The following LINGO2 variants were observed in gnomAD, a reference collection of about 807,000 sequenced individuals.
LINGO2 encodes the protein leucine-rich repeat and immunoglobulin-like domain-containing nogo receptor-interacting protein 2.
In LINGO2, 14 loss-of-function variants were observed where a neutral mutation model predicts 30.6. That is an observed-to-expected ratio of 0.46 (90% CI 0.30 to 0.72). The LOEUF (loss-of-function observed/expected upper bound fraction) is 0.72. Among genes scored for constraint, LINGO2 ranks in the 30% least tolerant of loss-of-function variants. The pLI, the probability that LINGO2 is intolerant of heterozygous loss-of-function variation, is 0.07. For missense variants in LINGO2, 729 were observed against 751.7 expected, an observed-to-expected ratio of 0.97 and a Z score of 0.35; for synonymous variants, 317 against 288.5, an observed-to-expected ratio of 1.10 and a Z score of -1.00.
the LINGO2 span, among the ~76,000 whole-genome samples, chr9:29,092,104 G>A: frequency 9.9e-5 from 15 of 151,978 alleles, no homozygotes; most frequent in African/African-American, 3.4e-4. Context: ...CACTTTGCTA[G>A]AATCTGTGCC....
intron 2 of LINGO2, among the ~76,000 whole-genome samples, chr9:28,387,178 C>T (rs994856380): frequency 1.3e-5 from 2 of 152,066 alleles, no homozygotes; most frequent in African/African-American, 4.8e-5. Flanking sequence ...CACCAATCAG[C>T]ACCCTGTAAA....
chr9:28,566,317 T>G (rs941176734), intron 1 of LINGO2, among the ~76,000 whole-genome samples: 1 of 152,166 alleles, frequency 6.6e-6, no homozygotes. Flanking sequence ...GCTACACCTA[T>G]GCTTATTAAA....
intron 2 of LINGO2, among the ~76,000 whole-genome samples, chr9:28,433,949 C>CTATATATATATATATATAAATATATA (rs375073572): frequency 4.5e-5 from 4 of 88,546 alleles, no homozygotes; most frequent in Admixed American, 1.4e-4. Flanking sequence ...CTCTCTCTCT[C>CTATATATATATATATATAAATATATA]TATATATATA....
At chr9:28,415,816 A>C (rs1822946341) in intron 2 of LINGO2, among the ~76,000 whole-genome samples, 1 of 152,192 alleles carries the variant, frequency 6.6e-6, no homozygotes, top group Admixed American at 6.6e-5. Flanking sequence ...ATTATTATAT[A>C]GTGGCTGGCA....
At chr9:29,120,894 A>T in the LINGO2 span, among the ~76,000 whole-genome samples, 2 of 152,188 alleles carry the variant, frequency 1.3e-5, no homozygotes, top group East Asian at 3.9e-4. Context: ...TAATGCTGTC[A>T]GCACCATAAA....
intron 1 of LINGO2, among the ~76,000 whole-genome samples, chr9:28,543,614 G>T (rs1015458636): frequency 1.3e-5 from 2 of 152,018 alleles, no homozygotes; most frequent in African/African-American, 2.4e-5. Flanking sequence ...GTATATGAAT[G>T]TATAAAAAAA....
At chr9:28,232,971 T>G (rs919227226) in intron 4 of LINGO2, among the ~76,000 whole-genome samples, 8 of 145,896 alleles carry the variant, frequency 5.5e-5, no homozygotes, top group African/African-American at 2.1e-4. Context: ...ACTTCTATGA[T>G]TCCATAATCA....
intron 5 of LINGO2, among the ~76,000 whole-genome samples, chr9:27,998,939 C>G (rs1008692004): frequency 1.3e-5 from 2 of 152,072 alleles, no homozygotes; most frequent in Admixed American, 6.6e-5. Flanking sequence ...TAAGTTCAGC[C>G]TTAAGTACCT....
At chr9:29,123,208 A>C in the LINGO2 span, among the ~76,000 whole-genome samples, 1 of 152,122 alleles carries the variant, frequency 6.6e-6, no homozygotes, top group African/African-American at 2.4e-5. Flanking sequence ...ATTTACAATC[A>C]ATGAAACAGA....
the LINGO2 span, among the ~76,000 whole-genome samples, chr9:29,155,107 T>C: frequency 6.6e-6 from 1 of 152,178 alleles, no homozygotes; most frequent in Admixed American, 6.5e-5. Context: ...TTTTTTTCTT[T>C]TTATTATTAT....
Position 28,357,328 on chromosome 9 carries a change from A to C in LINGO2, c.-246+15508T>G, listed in dbSNP as rs1016047549. Reference sequence around the variant, plus strand: ...TACAGAAATAAAGCCCACCCCCCCCAAAAAAGAAAGCACCAATACTTCTTG... The same window carrying C: ...TACAGAAATAAAGCCCACCCCCCCCCAAAAAGAAAGCACCAATACTTCTTG... On this transcript the variant is annotated intron_variant, in intron 3 of 5. Coordinates refer to ENST00000379992, the Ensembl canonical transcript of LINGO2. Among the ~76,000 whole-genome samples, 221 of 99,188 alleles carry C rather than the reference A, an allele frequency of 2.2e-3. 2 individuals carry two copies. The highest frequency in any genetic ancestry group is 6.9e-3 in the East Asian group (11 of 1,586). 65.1% of individuals were successfully genotyped at this position (99,188 alleles called of 152,430 possible).
At chr9:27,993,161 G>A (rs887636839) in intron 5 of LINGO2, among the ~76,000 whole-genome samples, 1 of 152,038 alleles carries the variant, frequency 6.6e-6, no homozygotes, top group Non-Finnish European at 1.5e-5. Flanking sequence ...CATTCAAATT[G>A]CAGTTGAATT....
At chr9:28,944,370 G>GTCTGTCTA in the LINGO2 span, among the ~76,000 whole-genome samples, 3 of 151,956 alleles carry the variant, frequency 2.0e-5, no homozygotes, top group African/African-American at 7.2e-5. Context: ...CTGTCTGTCT[G>GTCTGTCTA]TCTATCTATC....
At chr9:28,423,700 T>G (rs903900868) in intron 2 of LINGO2, among the ~76,000 whole-genome samples, 3 of 152,142 alleles carry the variant, frequency 2.0e-5, no homozygotes, top group African/African-American at 7.2e-5. Flanking sequence ...ACTTCTACTC[T>G]ATGTTTTATA....
intron 1 of LINGO2, among the ~76,000 whole-genome samples, chr9:28,506,503 G>C (rs375342427): frequency 1.2e-5 from 1 of 83,134 alleles, no homozygotes; most frequent in African/African-American, 4.8e-5. Flanking sequence ...CACACACACA[G>C]ACATATATAT....
chr9:28,877,348 A>C, the LINGO2 span, among the ~76,000 whole-genome samples: 5 of 151,712 alleles, frequency 3.3e-5, no homozygotes, highest in Admixed American at 6.6e-5. Flanking sequence ...CTGAATGGTA[A>C]TGCCTAGGTT....
intron 4 of LINGO2, among the ~76,000 whole-genome samples, chr9:28,191,310 AT>A: frequency 6.6e-6 from 1 of 152,324 alleles, no homozygotes; most frequent in East Asian, 1.9e-4. Context: ...AAACTGTTTC[AT>A]CATATATAGT....
the LINGO2 span, among the ~76,000 whole-genome samples, chr9:29,032,987 A>C: frequency 6.6e-6 from 1 of 152,158 alleles, no homozygotes; most frequent in East Asian, 1.9e-4. Flanking sequence ...ATTTGATTAC[A>C]ATTATGCCAT....
intron 3 of LINGO2, among the ~76,000 whole-genome samples, chr9:28,332,858 C>G (rs539752745): frequency 1.3e-5 from 2 of 152,068 alleles, no homozygotes; most frequent in African/African-American, 2.4e-5. Context: ...CACATATCAG[C>G]GTGGGGATGG....
Sources: gnomAD v4.1 joint callset for allele counts (sites outside exome capture counted in the v4.1 genomes callset) on GRCh38, gnomAD v4.1.1 for gene constraint, MANE v1.5 for transcripts, NCBI Gene and HGNC (gene_info 2026-07-23, HGNC 2026-07-21) for gene names.